Variants in SLC39A11 observed in about 807,000 individuals in gnomAD.
The protein encoded by SLC39A11 is zinc transporter ZIP11.
Under a neutral mutation model 36.1 loss-of-function variants are expected in SLC39A11, and 33 were observed. That is an observed-to-expected ratio of 0.91 (90% CI 0.69 to 1.22). SLC39A11 has a LOEUF of 1.22. SLC39A11 is among the 50% of genes most tolerant of loss of function. The pLI is 0.00. For synonymous variants in SLC39A11, 166 were observed against 170.3 expected (o/e 0.97, Z 0.20); for missense variants, 432 against 430.3 (o/e 1.00, Z -0.03).
At chr17:73,052,920 C>T (rs1486210314) in intron 3 of SLC39A11, among the ~76,000 whole-genome samples, 7 of 152,160 alleles carry the variant, frequency 4.6e-5, no homozygotes, top group Non-Finnish European at 8.8e-5. Flanking sequence ...AGGCTGGTCT[C>T]GAACTCCTGA....
At chr17:72,931,556 T>C (rs944510372) in intron 5 of SLC39A11, among the ~76,000 whole-genome samples, 3 of 152,194 alleles carry the variant, frequency 2.0e-5, no homozygotes, top group African/African-American at 7.2e-5. Flanking sequence ...CCTTCCCAAA[T>C]GCACCAGATA....
At chr17:72,668,666 G>A (rs1470498563) in intron 7 of SLC39A11, among the ~76,000 whole-genome samples, 1 of 152,226 alleles carries the variant, frequency 6.6e-6, no homozygotes, top group East Asian at 1.9e-4. Flanking sequence ...GTTGGGACCA[G>A]TGTCCACCAC....
intron 6 of SLC39A11, among the ~76,000 whole-genome samples, chr17:72,841,975 G>A (rs1177717344): frequency 6.6e-6 from 1 of 152,020 alleles, no homozygotes; most frequent in African/African-American, 2.4e-5. Context: ...AGGAGGCTGA[G>A]GTGGGAGGAT....
chr17:72,710,932 C>G (rs1260972589), intron 7 of SLC39A11, among the ~76,000 whole-genome samples: 1 of 152,196 alleles, frequency 6.6e-6, no homozygotes, highest in Non-Finnish European at 1.5e-5. Flanking sequence ...AACCAAATGG[C>G]CCAAAGTGAA....
At chr17:72,900,191 AAGAAAGAAAGAAAG>A (rs2082303694) in intron 5 of SLC39A11, among the ~76,000 whole-genome samples, 1 of 149,176 alleles carries the variant, frequency 6.7e-6, no homozygotes, top group Non-Finnish European at 1.5e-5. Flanking sequence ...GAAAGAAAGA[AAGAAAGAAAGAAAG>A]AAAGAAAGAA....
At chr17:72,723,353 T>TGTGTGTGTGTGTGTGTG (rs1567987031) in intron 7 of SLC39A11, among the ~76,000 whole-genome samples, 2 of 148,900 alleles carry the variant, frequency 1.3e-5, no homozygotes, top group African/African-American at 2.5e-5. Flanking sequence ...TGTGTGTGTG[T>TGTGTGTGTGTGTGTGTG]TTGCAGCCTA....
At chr17:73,015,088 A>T (rs1204896770) in intron 4 of SLC39A11, among the ~76,000 whole-genome samples, 2 of 152,046 alleles carry the variant, frequency 1.3e-5, no homozygotes, top group Non-Finnish European at 2.9e-5. Flanking sequence ...ATCCCTCCCA[A>T]ATACTGAGTT....
chr17:73,078,568 C>T (rs1421777350), intron 3 of SLC39A11, among the ~76,000 whole-genome samples: 1 of 151,572 alleles, frequency 6.6e-6, no homozygotes, highest in Admixed American at 6.6e-5. Context: ...CTCACTGCAA[C>T]CTCCACCTTC....
At chr17:72,742,128 G>A (rs900832371) in intron 6 of SLC39A11, among the ~76,000 whole-genome samples, 10 of 152,068 alleles carry the variant, frequency 6.6e-5, no homozygotes, top group Non-Finnish European at 1.2e-4. Context: ...GCTTGAACCC[G>A]GGAGGCAGAG....
chr17:73,029,408 T>A (rs954004239), intron 4 of SLC39A11, among the ~76,000 whole-genome samples: 1 of 152,070 alleles, frequency 6.6e-6, no homozygotes, highest in South Asian at 2.1e-4. Context: ...TTGAAGCCAC[T>A]GGTCACCTGT....
rs1211242992 is a variant in SLC39A11 at position 72,701,637 on chromosome 17, A to G, written c.671+35013T>C. Among the ~76,000 whole-genome samples, 4 of 151,144 alleles carry G rather than the reference A, an allele frequency of 2.6e-5. No homozygotes were observed. In the East Asian group the frequency reaches 7.9e-4, roughly 30 times the overall value. ...CAGCTACTGGGGAGGCTGAAGCACA[A>G]GAATTGCTTGAACCTGGGAGGCGGA... On this transcript the variant is annotated intron_variant, in intron 7 of 9. Coordinates refer to ENST00000255559, the MANE Select transcript of SLC39A11 (RefSeq NM_139177.4).
intron 5 of SLC39A11, among the ~76,000 whole-genome samples, chr17:72,937,901 G>A (rs1200916091): frequency 6.6e-6 from 1 of 152,140 alleles, no homozygotes; most frequent in African/African-American, 2.4e-5. Context: ...TCTCTCCTCT[G>A]CCATCCTCCC....
At chr17:72,710,182 C>T (rs1000180515) in intron 7 of SLC39A11, among the ~76,000 whole-genome samples, 10 of 152,224 alleles carry the variant, frequency 6.6e-5, no homozygotes. Context: ...CAGTGCTGTT[C>T]TTATCTCCTG....
chr17:72,854,270 C>T (rs570236999), intron 5 of SLC39A11, among the ~76,000 whole-genome samples: 30 of 151,766 alleles, frequency 2.0e-4, no homozygotes, highest in African/African-American at 6.8e-4. Context: ...CTCCAGGAGC[C>T]CCTCTTTTAA....
At chr17:72,650,245 G>A (rs753347804) in intron 7 of SLC39A11, among the ~76,000 whole-genome samples, 1 of 152,222 alleles carries the variant, frequency 6.6e-6, no homozygotes, top group Non-Finnish European at 1.5e-5. Flanking sequence ...GACAGTGACA[G>A]GCTGTGCTGA....
At chr17:72,719,966 A>C (rs2073586251) in intron 7 of SLC39A11, among the ~76,000 whole-genome samples, 2 of 152,224 alleles carry the variant, frequency 1.3e-5, no homozygotes, top group South Asian at 4.2e-4. Context: ...GGTTAGATGG[A>C]AGGGGCCCCC....
intron 5 of SLC39A11, among the ~76,000 whole-genome samples, chr17:72,919,506 G>A (rs2147231326): frequency 6.6e-6 from 1 of 151,756 alleles, no homozygotes; most frequent in South Asian, 2.1e-4. Context: ...GAGAAGGTGA[G>A]GAATTGAAAA....
At chr17:72,821,348 C>CA (rs202203888) in intron 6 of SLC39A11, among the ~76,000 whole-genome samples, 100 of 146,432 alleles carry the variant, frequency 6.8e-4, no homozygotes, top group East Asian at 4.3e-3. Flanking sequence ...ATTAAAAATA[C>CA]AAAAAAAAAT....
chr17:72,947,528 C>T lies in SLC39A11; in HGVS notation c.430+224G>A, dbSNP rs564174344. The T allele has an allele frequency of 1.3e-5, 8 of 634,210 alleles. 1 individual carries two copies. Among genetic ancestry groups the T allele is most frequent in the South Asian group, 1.2e-4 (6 of 50,368 alleles). 39.3% of individuals were successfully genotyped at this position (634,210 alleles called of 1,614,324 possible). A position where few individuals can be genotyped will look rare whatever the true frequency, so the allele number is the denominator to read the frequency against. On this transcript the variant is annotated intron_variant, in intron 5 of 9. Transcript: ENST00000255559. Reference sequence around the variant, plus strand: ...AAAGATGATCAAAAGGTACCGTTACCTTCTGTAGACTAAGCATGTGGTTTG... The same window carrying T: ...AAAGATGATCAAAAGGTACCGTTACTTTCTGTAGACTAAGCATGTGGTTTG...
Sources: allele counts gnomAD v4.1 joint callset (sites outside exome capture counted in the v4.1 genomes callset), GRCh38; gene constraint gnomAD v4.1.1; transcripts MANE v1.5; gene names NCBI Gene and HGNC (gene_info 2026-07-23, HGNC 2026-07-21).